The following NEGR1 variants were observed in gnomAD, a reference collection of about 807,000 sequenced individuals.
The protein encoded by NEGR1 is neuronal growth regulator 1.
In NEGR1, 10 loss-of-function variants were observed where a neutral mutation model predicts 40.9. The observed-to-expected ratio is 0.24, with a 90% CI of 0.15 to 0.42. The LOEUF (loss-of-function observed/expected upper bound fraction) is 0.42, where lower values mean the gene tolerates loss of function less well. NEGR1 is among the 10% of genes least tolerant of loss of function. The probability of loss-of-function intolerance (pLI) is 1.00; values close to 1 mark genes in which losing one functional copy is unlikely to be tolerated. For synonymous variants in NEGR1, 185 were observed against 166.8 expected (o/e 1.11, Z -0.84); for missense variants, 352 against 438.9 (o/e 0.80, Z 1.77).
chr1:72,058,068 TG>T (rs1167309572), intron 1 of NEGR1, among the ~76,000 whole-genome samples: 1 of 151,490 alleles, frequency 6.6e-6, no homozygotes, highest in African/African-American at 2.4e-5. Context: ...GGGAAACATC[TG>T]AAGAACACTG....
At chr1:71,903,517 G>A (rs1661196244) in intron 2 of NEGR1, among the ~76,000 whole-genome samples, 1 of 151,910 alleles carries the variant, frequency 6.6e-6, no homozygotes. Context: ...GACTACCGGT[G>A]TGACCTCAAT....
At chr1:71,910,605 T>C (rs1165712906) in intron 2 of NEGR1, among the ~76,000 whole-genome samples, 1 of 152,226 alleles carries the variant, frequency 6.6e-6, no homozygotes, top group African/African-American at 2.4e-5. Flanking sequence ...TAAAATTCCA[T>C]TCAAAGTTAC....
chr1:71,616,381 C>T (rs180821901), intron 4 of NEGR1, among the ~76,000 whole-genome samples: 4 of 152,330 alleles, frequency 2.6e-5, no homozygotes, highest in Non-Finnish European at 4.4e-5. Flanking sequence ...CTAAGGTGCA[C>T]ACTCCTTATG....
chr1:71,788,908 G>A (rs1053606982), intron 2 of NEGR1, among the ~76,000 whole-genome samples: 1 of 151,940 alleles, frequency 6.6e-6, no homozygotes, highest in African/African-American at 2.4e-5. Flanking sequence ...TTTTCCAGTA[G>A]CTTATATATT....
chr1:72,177,518 T>C (rs1652217507), intron 1 of NEGR1, among the ~76,000 whole-genome samples: 1 of 152,090 alleles, frequency 6.6e-6, no homozygotes. Context: ...TTGAATTATC[T>C]TCTTTTTATG....
chr1:72,175,863 C>T (rs1652145897), intron 1 of NEGR1, among the ~76,000 whole-genome samples: 2 of 152,092 alleles, frequency 1.3e-5, no homozygotes, highest in African/African-American at 4.8e-5. Context: ...ACAGCTTAAA[C>T]TAGCCTTGCA....
intron 3 of NEGR1, among the ~76,000 whole-genome samples, chr1:71,746,244 T>G (rs940208029): frequency 1.3e-5 from 2 of 152,204 alleles, no homozygotes; most frequent in African/African-American, 4.8e-5. Context: ...TCTTTTCTGC[T>G]CCTGTAGAGC....
intron 1 of NEGR1, among the ~76,000 whole-genome samples, chr1:71,972,106 T>C (rs764250565): frequency 6.6e-6 from 1 of 152,200 alleles, no homozygotes; most frequent in East Asian, 1.9e-4. Context: ...TAACACATAA[T>C]TGTATGCTAG....
intron 6 of NEGR1, among the ~76,000 whole-genome samples, chr1:71,415,128 G>T (rs1271382046): frequency 3.4e-5 from 5 of 146,774 alleles, no homozygotes; most frequent in South Asian, 2.2e-4. Context: ...AACATTTTGG[G>T]TTTTTTTTTT....
At chr1:71,498,522 G>C (rs1646979972) in intron 6 of NEGR1, among the ~76,000 whole-genome samples, 1 of 152,086 alleles carries the variant, frequency 6.6e-6, no homozygotes, top group Non-Finnish European at 1.5e-5. Flanking sequence ...AGGGTAAATT[G>C]CTCGGGTGTG....
At chr1:71,678,989 G>T (rs1341101325) in intron 4 of NEGR1, among the ~76,000 whole-genome samples, 1 of 152,172 alleles carries the variant, frequency 6.6e-6, no homozygotes, top group Non-Finnish European at 1.5e-5. Flanking sequence ...GTTTAAGCAG[G>T]ACAGTGACGG....
chr1:72,013,852 A>C (rs2100406938), intron 1 of NEGR1, among the ~76,000 whole-genome samples: 1 of 151,502 alleles, frequency 6.6e-6, no homozygotes, highest in East Asian at 1.9e-4. Context: ...TGAAAACCTA[A>C]GCAATATGAA....
At chr1:71,694,268 T>C (rs1000219566) in intron 4 of NEGR1, among the ~76,000 whole-genome samples, 25 of 151,722 alleles carry the variant, frequency 1.6e-4, no homozygotes, top group Non-Finnish European at 3.0e-4. Flanking sequence ...TGTGTGTTTG[T>C]GTGTGTCACA....
chr1:72,000,887 T>C (rs1646551473), intron 1 of NEGR1, among the ~76,000 whole-genome samples: 3 of 152,046 alleles, frequency 2.0e-5, no homozygotes, highest in African/African-American at 7.2e-5. Flanking sequence ...ATGAGTTCTT[T>C]CAAACAAAAG....
intron 1 of NEGR1, among the ~76,000 whole-genome samples, chr1:71,942,869 G>A (rs990077978): frequency 2.9e-4 from 34 of 116,608 alleles, no homozygotes; most frequent in Admixed American, 6.4e-4. Context: ...TGGAACGATC[G>A]TAGCTCACTG....
At chr1:72,281,837 G>A (rs1033078074) in intron 1 of NEGR1, among the ~76,000 whole-genome samples, 3 of 151,936 alleles carry the variant, frequency 2.0e-5, no homozygotes, top group African/African-American at 7.3e-5. Context: ...AACAGAAAGC[G>A]GTAAAAGGAA....
intron 6 of NEGR1, among the ~76,000 whole-genome samples, chr1:71,469,816 G>A (rs577764843): frequency 3.3e-5 from 5 of 152,154 alleles, no homozygotes; most frequent in African/African-American, 1.2e-4. Context: ...CTTAAGTCAA[G>A]CATGCTAAGT....
chr1:71,820,810 T>A (rs1389572130), intron 2 of NEGR1, among the ~76,000 whole-genome samples: 1 of 151,946 alleles, frequency 6.6e-6, no homozygotes. Flanking sequence ...GAGTGGGAGA[T>A]GGAGTCAGAA....
intron 1 of NEGR1, among the ~76,000 whole-genome samples, chr1:72,014,074 T>C (rs1239247516): frequency 6.6e-6 from 1 of 150,882 alleles, no homozygotes; most frequent in African/African-American, 2.4e-5. Context: ...TAAAAAGCTC[T>C]GGGGAAGGTT....
Sources: gnomAD v4.1 joint callset for allele counts (sites outside exome capture counted in the v4.1 genomes callset) on GRCh38, gnomAD v4.1.1 for gene constraint, MANE v1.5 for transcripts, NCBI Gene and HGNC (gene_info 2026-07-23, HGNC 2026-07-21) for gene names.